RAB35: variants seen among roughly 807,000 people sequenced by gnomAD.
RAB35 encodes the protein RAB35, member RAS oncogene family.
Under a neutral mutation model 28.9 loss-of-function variants are expected in RAB35, and 4 were observed. The observed-to-expected ratio is 0.14, with a 90% CI of 0.07 to 0.32. The LOEUF (loss-of-function observed/expected upper bound fraction) is 0.32. Ranked by LOEUF, RAB35 falls within the 10% of genes least tolerant of loss-of-function variation. The pLI, the probability that RAB35 is intolerant of heterozygous loss-of-function variation, is 1.00. For synonymous variants in RAB35, 99 were observed against 105.1 expected (o/e 0.94, Z 0.35); for missense variants, 128 against 274.0 (o/e 0.47, Z 3.76).
rs1357419608 is a variant in RAB35, at chr12:120,095,108, T to C, written c.*2137A>G. On this transcript the variant is annotated 3_prime_UTR_variant, in exon 6 of 6. Coordinates refer to ENST00000229340, the MANE Select transcript of RAB35 (RefSeq NM_006861.7). ...AGACCCTGGAAGAAAATTTGGCAGC[T>C]TGAACCTTTATTTTTAGTATTTTTT... The C allele has an allele frequency of 1.3e-5, 2 of 152,388 alleles. No individual in the cohort carries two copies. Among genetic ancestry groups the C allele is most frequent in the South Asian group, 4.1e-4 (2 of 4,832 alleles). 9.4% of individuals were successfully genotyped at this position (152,388 alleles called of 1,614,324 possible). A position where few individuals can be genotyped will look rare whatever the true frequency, so the allele number is the denominator to read the frequency against.
In RAB35 at chr12:120,097,445, TC is replaced by T. The variant is rs1163944203; in HGVS notation, c.478-73del. Reference sequence around the variant, plus strand: ...GCCCCTGCTGGCCTGCACGGCTGCCTCCCCGCCTTCCGGGGCCCAGCTCTTT... The same window carrying T: ...GCCCCTGCTGGCCTGCACGGCTGCCTCCCGCCTTCCGGGGCCCAGCTCTTT... On this transcript the variant is annotated intron_variant, in intron 5 of 5. Coordinates refer to ENST00000229340, the MANE Select transcript of RAB35 (RefSeq NM_006861.7). 8 of 1,293,086 alleles carry T rather than the reference TC, an allele frequency of 6.2e-6. No homozygotes were observed. The Admixed American group carries it at 1.7e-4, about 28-fold the overall frequency. The allele number at this position is 1,293,086 out of a possible 1,614,324, so 80.1% of individuals were successfully genotyped here.
At chr12:120,097,668 G>A (rs1875480621) in intron 5 of RAB35, among the ~76,000 whole-genome samples, 2 of 152,150 alleles carry the variant, frequency 1.3e-5, no homozygotes, top group South Asian at 4.1e-4. Flanking sequence ...GATTACTTGA[G>A]CCCAGGAGAT....
Position 120,096,937 on chromosome 12 carries a change from G to A in RAB35, c.*308C>T, listed in dbSNP as rs149320559. 9.4e-4 allele frequency: 1,294 copies of A among 1,371,128 alleles called. 8 individuals carry two copies. In the African/African-American group the frequency reaches 0.015, roughly 16 times the overall value. The allele number at this position is 1,371,128 out of a possible 1,614,324, so 84.9% of individuals were successfully genotyped here. On this transcript the variant is annotated 3_prime_UTR_variant, in exon 6 of 6. Transcript: ENST00000229340. Reference sequence around the variant, plus strand: ...CCAGAGCAGGACGTGGTGTGCGGCCGGGTAGAGCAATATACACTATGTACA... The same window carrying A: ...CCAGAGCAGGACGTGGTGTGCGGCCAGGTAGAGCAATATACACTATGTACA...
chr12:120,101,632 G>A (rs531755280), intron 3 of RAB35, among the ~76,000 whole-genome samples: 12 of 152,186 alleles, frequency 7.9e-5, no homozygotes, highest in South Asian at 2.1e-4. Flanking sequence ...ATCAAAGGGC[G>A]TCGAGACTTC....
intron 1 of RAB35, among the ~76,000 whole-genome samples, chr12:120,112,248 G>A (rs1044469131): frequency 3.9e-5 from 6 of 152,202 alleles, no homozygotes; most frequent in Admixed American, 3.9e-4. Flanking sequence ...AAAGTGCTGG[G>A]ATTATAGGAG....
intron 1 of RAB35, among the ~76,000 whole-genome samples, chr12:120,110,582 G>C (rs139031965): frequency 1.1e-3 from 169 of 152,162 alleles, no homozygotes; most frequent in African/African-American, 4.0e-3. Context: ...TCTCAAGAAG[G>C]GCACTGCCTC....
intron 1 of RAB35, among the ~76,000 whole-genome samples, chr12:120,113,380 C>T (rs757402174): frequency 6.6e-6 from 1 of 152,096 alleles, no homozygotes. Context: ...ACACAAGTCA[C>T]GCCCCCTCTC....
Position 120,097,051 on chromosome 12 carries a change from G to T in RAB35, c.*194C>A. ...GAGGAGGGGGCACCAGTAGGGAAGG[G>T]CGGGCTGGTCCAACACCTTCTTGGC... is the stretch of plus-strand genomic sequence containing the variant. On this transcript the variant is annotated 3_prime_UTR_variant, in exon 6 of 6. Coordinates refer to ENST00000229340, the MANE Select transcript of RAB35 (RefSeq NM_006861.7). 6.5e-7 allele frequency: 1 copy of T among 1,528,470 alleles called. No individual in the cohort carries two copies. 94.7% of individuals were successfully genotyped at this position (1,528,470 alleles called of 1,614,324 possible).
rs1431713800 is a variant in RAB35, at chr12:120,103,480, G to A, written c.227+346C>T. Among the ~76,000 whole-genome samples, 1 of 152,212 alleles carries A rather than the reference G, an allele frequency of 6.6e-6. No individual in the cohort carries two copies. Among genetic ancestry groups the A allele is most frequent in the East Asian group, 1.9e-4 (1 of 5,196 alleles). Reference sequence around the variant, plus strand: ...CAGCGACTAAGTCCTGGGTGGGCAAGGCACTTCGCAACCCCCTAGCGAGGC... The same window carrying A: ...CAGCGACTAAGTCCTGGGTGGGCAAAGCACTTCGCAACCCCCTAGCGAGGC... On this transcript the variant is annotated intron_variant, in intron 3 of 5. Coordinates refer to ENST00000229340, the MANE Select transcript of RAB35 (RefSeq NM_006861.7). The surrounding 1 kb of genome is among the most constrained non-coding windows in gnomAD (Gnocchi z 6.1).
chr12:120,096,745 C>T lies in RAB35; in HGVS notation c.*500G>A, dbSNP rs1356925352. ...TGCAGCGGGGACAGAGGCTGACAAC[C>T]TGTCGGAGAGAATGAGCAACGCGGA... On this transcript the variant is annotated 3_prime_UTR_variant, in exon 6 of 6. Coordinates refer to ENST00000229340, the MANE Select transcript of RAB35 (RefSeq NM_006861.7). The T allele has an allele frequency of 7.8e-7, 1 of 1,290,080 alleles. No homozygotes were observed. The highest frequency in any genetic ancestry group is 1.0e-6 in the Non-Finnish European group (1 of 989,002). The allele number at this position is 1,290,080 out of a possible 1,614,324, so 79.9% of individuals were successfully genotyped here.
chr12:120,108,585 A>G, intron 1 of RAB35, 118 bp from the exon 2 acceptor site: 1 of 891,506 alleles, frequency 1.1e-6, no homozygotes, highest in Non-Finnish European at 1.8e-6. Context: ...GGTGGGACCC[A>G]GCTCACTTCT....
intron 2 of RAB35, among the ~76,000 whole-genome samples, chr12:120,107,019 C>T (rs759216537): frequency 4.0e-5 from 6 of 151,878 alleles, no homozygotes; most frequent in South Asian, 4.1e-4. Flanking sequence ...GATGGAGTCT[C>T]GCTCTGTCGT....
chr12:120,103,682 A>T lies in RAB35; in HGVS notation c.227+144T>A. On this transcript the variant is annotated intron_variant, in intron 3 of 5. Coordinates refer to ENST00000229340, the MANE Select transcript of RAB35 (RefSeq NM_006861.7). This position sits in a 1 kb window ranked among gnomAD's most constrained non-coding sequence, Gnocchi z 6.1. ...ACCAGGAAGGGTGCAGCCAAACGCC[A>T]CCTACTACAGCCAACAACAGGCTCA... 8.1e-7 allele frequency: 1 copy of T among 1,242,146 alleles called. No homozygotes were observed. The highest frequency in any genetic ancestry group is 1.1e-6 in the Non-Finnish European group (1 of 892,302). The allele number at this position is 1,242,146 out of a possible 1,614,324, so 76.9% of individuals were successfully genotyped here. A position where few individuals can be genotyped will look rare whatever the true frequency, so the allele number is the denominator to read the frequency against.
chr12:120,103,091 C>G lies in RAB35; in HGVS notation c.227+735G>C, dbSNP rs1167838797. On this transcript the variant is annotated intron_variant, in intron 3 of 5. Transcript: ENST00000229340. The surrounding 1 kb of genome is among the most constrained non-coding windows in gnomAD (Gnocchi z 6.1). ...AGAGGCAGGCCCTCCAGGAAACGAG[C>G]GCAGAGAGCTTCGGCAACTTGCCTA... 6.6e-6 allele frequency among the ~76,000 whole-genome samples: 1 copy of G among 152,206 alleles called. No homozygotes were observed. Among genetic ancestry groups the G allele is most frequent in the African/African-American group, 2.4e-5 (1 of 41,456 alleles).
Position 120,096,110 on chromosome 12 carries a change from C to T in RAB35, c.*1135G>A. ...CAAAGGTTAGGACAGTGACCAGGGC[C>T]TGTCCATGGTCCCCACCCAGAGGCC... On this transcript the variant is annotated 3_prime_UTR_variant, in exon 6 of 6. Transcript: ENST00000229340. 1 of 293,378 alleles carries T rather than the reference C, an allele frequency of 3.4e-6. No individual in the cohort carries two copies. Among genetic ancestry groups the T allele is most frequent in the Non-Finnish European group, 6.6e-6 (1 of 150,672 alleles). 18.2% of individuals were successfully genotyped at this position (293,378 alleles called of 1,614,324 possible).
chr12:120,112,891 ATT>A (rs570245591), intron 1 of RAB35, among the ~76,000 whole-genome samples: 16 of 136,630 alleles, frequency 1.2e-4, no homozygotes, highest in East Asian at 2.1e-4. Flanking sequence ...CGCCCAACTG[ATT>A]TTTTTTTTTT....
At chr12:120,115,311 T>A (rs1876285104) in intron 1 of RAB35, among the ~76,000 whole-genome samples, 1 of 152,090 alleles carries the variant, frequency 6.6e-6, no homozygotes, top group Admixed American at 6.6e-5. Context: ...CACTCCTACA[T>A]CCCAAGTCAT....
intron 1 of RAB35, among the ~76,000 whole-genome samples, chr12:120,112,027 C>T (rs1465938174): frequency 1.3e-5 from 2 of 151,396 alleles, no homozygotes; most frequent in Non-Finnish European, 2.9e-5. Context: ...GTCGCCCAGG[C>T]TGGAGTACGG....
intron 1 of RAB35, among the ~76,000 whole-genome samples, chr12:120,110,290 A>ATCTTTTTTTTTTTTTTTTTTTTTTTT (rs1876062003): frequency 1.1e-5 from 1 of 88,596 alleles, no homozygotes; most frequent in South Asian, 4.8e-4. Context: ...AGCCCACAGC[A>ATCTTTTTTTTTTTTTTTTTTTTTTTT]TTTTTTTTTT....
Sources: gnomAD v4.1 joint callset for allele counts (sites outside exome capture counted in the v4.1 genomes callset) on GRCh38, gnomAD v4.1.1 for gene constraint, Gnocchi (gnomAD v3.1) non-coding constraint, MANE v1.5 for transcripts, NCBI Gene and HGNC (gene_info 2026-07-23, HGNC 2026-07-21) for gene names.